Variants in HAT1 observed in about 807,000 individuals in gnomAD.
HAT1 encodes the protein histone acetyltransferase type B catalytic subunit.
HAT1 carries 20 observed loss-of-function variants against 56.6 expected under a neutral mutation model. The observed-to-expected ratio is 0.35, with a 90% CI of 0.25 to 0.51. The LOEUF is 0.51. Ranked by LOEUF, HAT1 falls within the 20% of genes least tolerant of loss-of-function variation. HAT1 has a pLI of 0.95. For synonymous variants in HAT1, 146 were observed against 165.5 expected, an observed-to-expected ratio of 0.88 and a Z score of 0.91; for missense variants, 408 against 504.3, an observed-to-expected ratio of 0.81 and a Z score of 1.83.
At chr2:171,924,907 C>T (rs1226183310) in intron 1 of HAT1, 1 of 152,060 alleles carries the variant, frequency 6.6e-6, no homozygotes, top group Non-Finnish European at 1.5e-5. Context: ...AAAAAGACGA[C>T]TTAGGTATAA....
intron 8 of HAT1, among the ~76,000 whole-genome samples, chr2:171,969,215 G>A (rs933029637): frequency 1.3e-5 from 2 of 152,270 alleles, no homozygotes; most frequent in South Asian, 2.1e-4. Flanking sequence ...AATAGAAATC[G>A]ATTCTGGGCT....
intron 2 of HAT1, among the ~76,000 whole-genome samples, chr2:171,939,237 G>A (rs10167145): frequency 3.3e-5 from 5 of 152,142 alleles, no homozygotes; most frequent in Admixed American, 2.0e-4. Context: ...TGCACCAGCT[G>A]GAAGTAAGAG....
chr2:171,957,280 G>A (rs958313428), intron 4 of HAT1, among the ~76,000 whole-genome samples: 1 of 152,230 alleles, frequency 6.6e-6, no homozygotes, highest in Non-Finnish European at 1.5e-5. Flanking sequence ...GGGTGGAGCT[G>A]CAGGCCACAG....
At chr2:171,944,123 G>C (rs1687097889) in intron 2 of HAT1, among the ~76,000 whole-genome samples, 1 of 149,796 alleles carries the variant, frequency 6.7e-6, no homozygotes, top group Non-Finnish European at 1.5e-5. Context: ...TCCAGCCTGG[G>C]TGACAATGAA....
intron 4 of HAT1, among the ~76,000 whole-genome samples, chr2:171,959,876 ATG>A (rs1443608239): frequency 4.6e-5 from 7 of 152,240 alleles, no homozygotes; most frequent in African/African-American, 1.7e-4. Flanking sequence ...GGAACCAGCC[ATG>A]TTATAATCTG....
chr2:171,936,314 A>G (rs774507992), intron 2 of HAT1, among the ~76,000 whole-genome samples: 7 of 152,202 alleles, frequency 4.6e-5, no homozygotes, highest in South Asian at 2.1e-4. Flanking sequence ...TTCTAGCAGT[A>G]TGAAGACAGA....
chr2:171,979,149 T>C (rs1258429991), intron 9 of HAT1, 98 bp from the exon 10 acceptor site: 1 of 684,538 alleles, frequency 1.5e-6, no homozygotes, highest in Non-Finnish European at 2.6e-6. Context: ...GCACAATTCC[T>C]TGCTCATGGC....
rs186367311 is a variant in HAT1, at chr2:171,975,906, T to C, written c.824-251T>C. ...TTATTACTTTGGGTTTAATTTGCCC[T>C]TCCTTATCTAGTTAAGAGTGACTCT... is the stretch of plus-strand genomic sequence containing the variant. On this transcript the variant is annotated intron_variant, in intron 8 of 10. Coordinates refer to ENST00000264108, the MANE Select transcript of HAT1 (RefSeq NM_003642.4). Among the ~76,000 whole-genome samples, 215 of 150,640 alleles carry C rather than the reference T, an allele frequency of 1.4e-3. 2 individuals are homozygous for C. Among genetic ancestry groups the C allele is most frequent in the Non-Finnish European group, 2.5e-4 (17 of 67,760 alleles).
At chr2:171,954,953 A>G (rs1023588222) in intron 4 of HAT1, among the ~76,000 whole-genome samples, 6 of 152,242 alleles carry the variant, frequency 3.9e-5, no homozygotes, top group African/African-American at 1.4e-4. Context: ...CAGATGTGAT[A>G]TGGCCAGAAG....
intron 10 of HAT1, among the ~76,000 whole-genome samples, chr2:171,982,951 T>G (rs1207672606): frequency 1.3e-5 from 2 of 152,148 alleles, no homozygotes; most frequent in African/African-American, 4.8e-5. Context: ...TTTACCATCA[T>G]TGGACACAAA....
At chr2:171,950,104 T>A (rs943492941) in intron 3 of HAT1, among the ~76,000 whole-genome samples, 1 of 152,196 alleles carries the variant, frequency 6.6e-6, no homozygotes, top group Non-Finnish European at 1.5e-5. Flanking sequence ...CATGTCTTTT[T>A]TCCCCCCATG....
chr2:171,937,735 G>C (rs1252463485), intron 2 of HAT1, among the ~76,000 whole-genome samples: 1 of 152,176 alleles, frequency 6.6e-6, no homozygotes, highest in African/African-American at 2.4e-5. Context: ...CTCTGAAATA[G>C]AAGTAGCATG....
intron 8 of HAT1, among the ~76,000 whole-genome samples, chr2:171,974,853 A>G (rs902117317): frequency 6.6e-6 from 1 of 152,220 alleles, no homozygotes; most frequent in Non-Finnish European, 1.5e-5. Context: ...TTTTGTTAAC[A>G]TGGTATATTA....
intron 9 of HAT1, among the ~76,000 whole-genome samples, chr2:171,977,707 T>G (rs1334814742): frequency 1.3e-5 from 2 of 151,378 alleles, no homozygotes; most frequent in African/African-American, 4.8e-5. Flanking sequence ...CTGGCTACTT[T>G]GCCACATGCT....
chr2:171,929,660 G>A (rs1208366190), intron 2 of HAT1, among the ~76,000 whole-genome samples: 1 of 152,174 alleles, frequency 6.6e-6, no homozygotes, highest in Non-Finnish European at 1.5e-5. Context: ...TATGAGGAAA[G>A]GGATTAAGGT....
intron 3 of HAT1, among the ~76,000 whole-genome samples, chr2:171,952,229 T>C (rs1349240143): frequency 6.6e-6 from 1 of 152,244 alleles, no homozygotes; most frequent in East Asian, 1.9e-4. Flanking sequence ...AGGCAGTCAC[T>C]AATTTACTTT....
At chr2:171,940,956 AAAAG>A (rs1432250539) in intron 2 of HAT1, among the ~76,000 whole-genome samples, 1 of 152,218 alleles carries the variant, frequency 6.6e-6, no homozygotes, top group Admixed American at 6.5e-5. Flanking sequence ...AGGGTTAGCA[AAAAG>A]ACTTACCAAA....
intron 9 of HAT1, among the ~76,000 whole-genome samples, chr2:171,977,547 ATATATATATATTTTTT>A (rs1343858531): frequency 4.7e-3 from 67 of 14,330 alleles, no homozygotes; most frequent in Non-Finnish European, 7.2e-3. Context: ...ATATATATAT[ATATATATATATTTTTT>A]TTTTTTTTTT....
At chr2:171,928,385 T>C (rs1030421188) in intron 2 of HAT1, among the ~76,000 whole-genome samples, 23 of 152,232 alleles carry the variant, frequency 1.5e-4, no homozygotes, top group Non-Finnish European at 3.4e-4. Context: ...CTTTCTGTGT[T>C]CTAGCACTTT....
Sources: gnomAD v4.1 joint callset for allele counts (sites outside exome capture counted in the v4.1 genomes callset) on GRCh38, gnomAD v4.1.1 for gene constraint, MANE v1.5 for transcripts, NCBI Gene and HGNC (gene_info 2026-07-23, HGNC 2026-07-21) for gene names.